Variants in LRMDA observed in about 807,000 individuals in gnomAD.
LRMDA encodes leucine-rich melanocyte differentiation-associated protein.
In LRMDA, 18 loss-of-function variants were observed where a neutral mutation model predicts 29.8. The ratio of observed to expected loss-of-function variants is 0.60; its 90% CI spans 0.42 to 0.90. The LOEUF is 0.90. Ranked by LOEUF, LRMDA falls within the 40% of genes least tolerant of loss-of-function variation. The pLI is 0.00. For synonymous variants in LRMDA, 125 were observed against 109.4 expected, an observed-to-expected ratio of 1.14 and a Z score of -0.89; for missense variants, 273 against 273.9, an observed-to-expected ratio of 1.00 and a Z score of 0.02.
chr10:76,065,520 C>T (rs1339129624), intron 5 of LRMDA, among the ~76,000 whole-genome samples: 4 of 152,200 alleles, frequency 2.6e-5, no homozygotes, highest in Non-Finnish European at 5.9e-5. Flanking sequence ...CCCCAATGGC[C>T]CAGCTTCACC....
At chr10:76,208,641 A>G (rs1179499912) in intron 5 of LRMDA, among the ~76,000 whole-genome samples, 1 of 152,194 alleles carries the variant, frequency 6.6e-6, no homozygotes, top group Non-Finnish European at 1.5e-5. Context: ...TTTGACCTTC[A>G]GAAATAGGAG....
chr10:75,842,159 G>A (rs1170421652), intron 2 of LRMDA, among the ~76,000 whole-genome samples: 1 of 152,180 alleles, frequency 6.6e-6, no homozygotes, highest in East Asian at 1.9e-4. Context: ...AGGCAAAAAT[G>A]GTTTTTACAT....
intron 2 of LRMDA, among the ~76,000 whole-genome samples, chr10:75,804,086 T>A (rs1296681687): frequency 6.6e-6 from 1 of 152,222 alleles, no homozygotes; most frequent in Non-Finnish European, 1.5e-5. Context: ...GGAAAGGCAC[T>A]CAGTAAGGGA....
chr10:75,750,486 G>GGA (rs1842947526), intron 2 of LRMDA, among the ~76,000 whole-genome samples: 1 of 131,464 alleles, frequency 7.6e-6, no homozygotes, highest in African/African-American at 2.9e-5. Flanking sequence ...GACGGGGCGG[G>GGA]GGGTGGGGGG....
chr10:76,276,057 T>C (rs9971161), intron 5 of LRMDA, among the ~76,000 whole-genome samples: 57 of 135,728 alleles, frequency 4.2e-4, no homozygotes, highest in African/African-American at 1.0e-3. Context: ...ATCTATCTCT[T>C]TCTTTCTCTC....
intron 2 of LRMDA, among the ~76,000 whole-genome samples, chr10:75,779,464 G>A (rs1264397589): frequency 2.0e-5 from 3 of 152,180 alleles, no homozygotes; most frequent in Non-Finnish European, 4.4e-5. Context: ...TTCAGCAAGA[G>A]CAACCTAAAA....
intron 5 of LRMDA, among the ~76,000 whole-genome samples, chr10:76,321,134 A>G (rs1840765683): frequency 6.6e-6 from 1 of 152,228 alleles, no homozygotes; most frequent in Non-Finnish European, 1.5e-5. Flanking sequence ...GTTATAAATA[A>G]TGCTGCAATA....
intron 6 of LRMDA, among the ~76,000 whole-genome samples, chr10:76,479,248 A>G (rs1842712054): frequency 6.6e-6 from 1 of 151,862 alleles, no homozygotes; most frequent in East Asian, 2.0e-4. Flanking sequence ...ATCTTATGAT[A>G]ATGTTTGCAC....
intron 6 of LRMDA, among the ~76,000 whole-genome samples, chr10:76,398,269 C>A (rs1841810254): frequency 6.6e-6 from 1 of 152,118 alleles, no homozygotes. Flanking sequence ...ACTGACGTCC[C>A]CCTCCCCCCA....
At chr10:76,527,943 CAT>C (rs1246719525) in intron 6 of LRMDA, among the ~76,000 whole-genome samples, 4 of 152,162 alleles carry the variant, frequency 2.6e-5, no homozygotes, top group Admixed American at 6.5e-5. Flanking sequence ...CAGTGAGAAA[CAT>C]GTGGTAATGA....
intron 2 of LRMDA, among the ~76,000 whole-genome samples, chr10:75,616,033 C>G (rs1423031759): frequency 6.6e-6 from 1 of 152,094 alleles, no homozygotes; most frequent in Non-Finnish European, 1.5e-5. Context: ...GAGACTGTTT[C>G]TTTAATTTAT....
At chr10:75,743,675 CAAG>C (rs1482953854) in intron 2 of LRMDA, 2 of 152,086 alleles carry the variant, frequency 1.3e-5, no homozygotes, top group Non-Finnish European at 2.9e-5. Context: ...TATTGTAATG[CAAG>C]AAGGAGAGAT....
intron 2 of LRMDA, among the ~76,000 whole-genome samples, chr10:75,504,453 A>G (rs1328663339): frequency 1.3e-5 from 2 of 152,140 alleles, no homozygotes; most frequent in African/African-American, 4.8e-5. Flanking sequence ...CTAAATGTAA[A>G]ATCCACTTCA....
intron 2 of LRMDA, among the ~76,000 whole-genome samples, chr10:75,989,655 A>G (rs773060389): frequency 7.2e-5 from 11 of 152,148 alleles, no homozygotes; most frequent in African/African-American, 1.9e-4. Flanking sequence ...CTCTGTGTGC[A>G]TTTTCTTGCT....
intron 2 of LRMDA, among the ~76,000 whole-genome samples, chr10:75,832,578 G>T (rs535649037): frequency 9.3e-4 from 142 of 152,198 alleles, no homozygotes; most frequent in African/African-American, 3.4e-3. Flanking sequence ...ACATTTTCAG[G>T]TATCTTTTCA....
chr10:76,335,514 C>T (rs185539906), intron 6 of LRMDA, among the ~76,000 whole-genome samples: 4 of 152,264 alleles, frequency 2.6e-5, no homozygotes, highest in Admixed American at 2.6e-4. Flanking sequence ...AAGGATGCGC[C>T]TGTGACACAG....
At chr10:75,536,083 G>A (rs1446879811) in intron 2 of LRMDA, among the ~76,000 whole-genome samples, 1 of 152,078 alleles carries the variant, frequency 6.6e-6, no homozygotes, top group African/African-American at 2.4e-5. Flanking sequence ...CCATGCCGCC[G>A]TCGCTCTGTT....
intron 6 of LRMDA, among the ~76,000 whole-genome samples, chr10:76,454,420 C>T (rs995335733): frequency 5.9e-5 from 9 of 151,982 alleles, no homozygotes; most frequent in Admixed American, 3.3e-4. Flanking sequence ...TTGGTCACTC[C>T]GAGGCTGCAT....
intron 6 of LRMDA, among the ~76,000 whole-genome samples, chr10:76,421,636 G>A (rs1211309867): frequency 6.6e-6 from 1 of 151,828 alleles, no homozygotes; most frequent in Non-Finnish European, 1.5e-5. Context: ...CGTATGTTTC[G>A]GCCTTGAATT....
Sources: gnomAD v4.1 joint callset for allele counts (sites outside exome capture counted in the v4.1 genomes callset) on GRCh38, gnomAD v4.1.1 for gene constraint, MANE v1.5 for transcripts, NCBI Gene and HGNC (gene_info 2026-07-23, HGNC 2026-07-21) for gene names.